The following ARF4 variants were observed in gnomAD, a reference collection of about 807,000 sequenced individuals.
ARF4 encodes the protein ARF GTPase 4.
Under a neutral mutation model 24.3 loss-of-function variants are expected in ARF4, and 5 were observed. The ratio of observed to expected loss-of-function variants is 0.21; its 90% confidence interval spans 0.11 to 0.43. The LOEUF (loss-of-function observed/expected upper bound fraction) is 0.43, where lower values mean the gene tolerates loss of function less well. ARF4 is among the 20% of genes least tolerant of loss of function. The pLI, the probability that ARF4 is intolerant of heterozygous loss-of-function variation, is 1.00. For synonymous variants in ARF4, 62 were observed against 73.5 expected, an observed-to-expected ratio of 0.84 and a Z score of 0.80; for missense variants, 107 against 213.0, an observed-to-expected ratio of 0.50 and a Z score of 3.10.
rs376750506 is a variant in ARF4, at chr3:57,576,504, CTT to C, written c.330+810_330+811del. ...GTGTGTGAAGTATGTCTCAACCAAGCTTTTTTTTTTTTTTTTTTTTTTGAAGA... is the reference window on the plus strand; with the variant it reads ...GTGTGTGAAGTATGTCTCAACCAAGCTTTTTTTTTTTTTTTTTTTTGAAGA... On this transcript the variant is annotated intron_variant, in intron 4 of 5. Transcript: ENST00000303436. 6.3e-3 allele frequency among the ~76,000 whole-genome samples: 636 copies of C among 101,540 alleles called. 1 individual carries two copies. Among genetic ancestry groups the C allele is most frequent in the Non-Finnish European group, 0.01 (508 of 50,716 alleles). The allele number at this position is 101,540 out of a possible 152,430, so 66.6% of individuals were successfully genotyped here. A position where few individuals can be genotyped will look rare whatever the true frequency, so the allele number is the denominator to read the frequency against.
chr3:57,571,806 CA>C lies in ARF4; in HGVS notation c.*405del, dbSNP rs2153408187. On this transcript the variant is annotated 3_prime_UTR_variant, in exon 6 of 6. Transcript: ENST00000303436. ...TTTTGGCAAGGGAGAGAAATAAATA[CA>C]AATGGAATGCTACATTTTTAAATTA... 5.9e-6 allele frequency: 1 copy of C among 168,400 alleles called. No individual in the cohort carries two copies. The highest frequency in any genetic ancestry group is 1.7e-4 in the East Asian group (1 of 5,792). The allele number at this position is 168,400 out of a possible 1,614,324, so 10.4% of individuals were successfully genotyped here.
chr3:57,590,630 T>C (rs1049536513), intron 1 of ARF4, among the ~76,000 whole-genome samples: 8 of 152,216 alleles, frequency 5.3e-5, no homozygotes, highest in African/African-American at 1.9e-4. Flanking sequence ...TCAAATTATC[T>C]ACAAGTTTGA....
In ARF4 at chr3:57,585,508, CTAATG is replaced by C. The variant is rs539796040; in HGVS notation, c.68-1049_68-1045del. 4.6e-5 allele frequency among the ~76,000 whole-genome samples: 7 copies of C among 152,112 alleles called. No individual in the cohort carries two copies. The South Asian group carries it at 1.5e-3, about 32-fold the overall frequency. ...TATAAAAATGGCCCTATCACATTAC[CTAATG>C]TAAACAACGAGTTAATGGGTGCAGC... On this transcript the variant is annotated intron_variant, in intron 1 of 5. Coordinates refer to ENST00000303436, the MANE Select transcript of ARF4 (RefSeq NM_001660.4).
Position 57,583,935 on chromosome 3 carries a change from A to G in ARF4, c.221T>C (p.Ile74Thr). ...GAAGTAATGCTTCCAGAGAGGCCTA[A>G]TTCTATCTTGACCACCAACATCCCA... ...TVWDVGGQDR[I>T]RPLWKHYFQN... Residue 74 changes from isoleucine (I) to threonine (T), a missense_variant, in exon 3 of 6, where the codon ATT (isoleucine) becomes ACT (threonine). By Grantham distance (89) the Ile-to-Thr change is moderately conservative. Transcript: ENST00000303436. The G allele has an allele frequency of 6.2e-7, 1 of 1,611,210 alleles. No homozygotes were observed. Among genetic ancestry groups the G allele is most frequent in the Non-Finnish European group, 8.5e-7 (1 of 1,177,860 alleles).
chr3:57,595,646 C>T (rs951907790), intron 1 of ARF4, among the ~76,000 whole-genome samples: 1 of 152,080 alleles, frequency 6.6e-6, no homozygotes, highest in African/African-American at 2.4e-5. Flanking sequence ...GATGGTAGTA[C>T]AGCTCTAAAA....
At chr3:57,575,792 G>A (rs757054626) in intron 4 of ARF4, 119 bp from the exon 5 acceptor site, 101 of 1,131,036 alleles carry the variant, frequency 8.9e-5, no homozygotes, top group Non-Finnish European at 1.1e-4. Flanking sequence ...CTAATTTCTC[G>A]ACACAAAGTT....
chr3:57,593,318 A>G (rs2070136845), intron 1 of ARF4, among the ~76,000 whole-genome samples: 1 of 152,250 alleles, frequency 6.6e-6, no homozygotes, highest in Non-Finnish European at 1.5e-5. Flanking sequence ...ATGTAACAGA[A>G]GGAACACATA....
chr3:57,596,986 CGGA>C (rs2153409716), intron 1 of ARF4, 85 bp downstream of exon 1: 3 of 1,400,896 alleles, frequency 2.1e-6, no homozygotes, highest in East Asian at 2.4e-5. Context: ...CCACAGCGGG[CGGA>C]GGAAAAAAAC....
Position 57,574,704 on chromosome 3 carries a change from G to C in ARF4, c.456+844C>G, listed in dbSNP as rs1003338089. 3.9e-5 allele frequency among the ~76,000 whole-genome samples: 6 copies of C among 152,186 alleles called. No individual in the cohort carries two copies. In the South Asian group the frequency reaches 1.2e-3, roughly 32 times the overall value. ...TTACGGGTGTGAGCCGTGGTACCTG[G>C]TCTCCTCCATAAACTGTTATGTTAA... On this transcript the variant is annotated intron_variant, in intron 5 of 5. Coordinates refer to ENST00000303436, the MANE Select transcript of ARF4 (RefSeq NM_001660.4).
chr3:57,582,568 G>C (rs1208557623), intron 3 of ARF4, among the ~76,000 whole-genome samples: 2 of 152,096 alleles, frequency 1.3e-5, no homozygotes, highest in Admixed American at 6.6e-5. Flanking sequence ...AAATAAAAAA[G>C]TATACCACTT....
chr3:57,591,568 G>A (rs899505318), intron 1 of ARF4, among the ~76,000 whole-genome samples: 4 of 151,714 alleles, frequency 2.6e-5, no homozygotes, highest in Non-Finnish European at 4.4e-5. Context: ...CCGGGTTCAA[G>A]GGATTCTCGT....
rs1368716617 is a variant in ARF4 at position 57,577,355 on chromosome 3, A to G, written c.291T>C (p.Arg97=). 6.2e-7 allele frequency: 1 copy of G among 1,613,628 alleles called. No homozygotes were observed. The highest frequency in any genetic ancestry group is 8.5e-7 in the Non-Finnish European group (1 of 1,179,902). The change falls in exon 4 of 6, where the codon CGT becomes CGC. Residue 97 remains arginine (R), a synonymous_variant. Transcript: ENST00000303436. ...CATCTGCTACTTCCTGAATTCTTTC[A>G]CGATCGTTGCTATCTACCACAAAAA... The part of the protein sequence containing the change: ...GLIFVVDSND[R]ERIQEVADEL...
chr3:57,576,975 A>G (rs1204456715), intron 4 of ARF4, among the ~76,000 whole-genome samples: 3 of 151,838 alleles, frequency 2.0e-5, no homozygotes, highest in East Asian at 1.9e-4. Flanking sequence ...TATAGATTTG[A>G]TATCTGTAAA....
chr3:57,597,225 T>A lies in ARF4; in HGVS notation c.-85A>T. On this transcript the variant is annotated 5_prime_UTR_variant, in exon 1 of 6. Transcript: ENST00000303436. ...TCTCCTTTCAAGCTCCCAGGCAAAC[T>A]AAACGAGAGGGAAGAGAAAGAGCGG... The A allele has an allele frequency of 7.6e-7, 1 of 1,311,626 alleles. No individual in the cohort carries two copies. The highest frequency in any genetic ancestry group is 1.1e-6 in the Non-Finnish European group (1 of 922,376). 81.2% of individuals were successfully genotyped at this position (1,311,626 alleles called of 1,614,324 possible). A position where few individuals can be genotyped will look rare whatever the true frequency, so the allele number is the denominator to read the frequency against.
In ARF4 at chr3:57,583,799, T is replaced by G. The variant is rs1000816920; in HGVS notation, c.258+99A>C. On this transcript the variant is annotated intron_variant, in intron 3 of 5. Coordinates refer to ENST00000303436, the MANE Select transcript of ARF4 (RefSeq NM_001660.4). ...TGGTGATAAGACAAATGCCAACTCA[T>G]AGTAAACACCAATATCCAAGTAAAT... The G allele has an allele frequency of 3.4e-5, 28 of 832,318 alleles. No homozygotes were observed. In the African/African-American group the frequency reaches 4.6e-4, roughly 14 times the overall value. The allele number at this position is 832,318 out of a possible 1,614,324, so 51.6% of individuals were successfully genotyped here. A position where few individuals can be genotyped will look rare whatever the true frequency, so the allele number is the denominator to read the frequency against.
In ARF4 at chr3:57,597,290, G is replaced by A; in HGVS notation, c.-150C>T. 1 of 703,900 alleles carries A rather than the reference G, an allele frequency of 1.4e-6. No homozygotes were observed. The highest frequency in any genetic ancestry group is 2.4e-6 in the Non-Finnish European group (1 of 419,736). 43.6% of individuals were successfully genotyped at this position (703,900 alleles called of 1,614,324 possible). A position where few individuals can be genotyped will look rare whatever the true frequency, so the allele number is the denominator to read the frequency against. The stretch of plus-strand genomic sequence containing the variant: ...AGGCAGAAACGTCTCAGTGGCCCCT[G>A]TGCCGATGAAGATCCGGCACAGGAA... On this transcript the variant is annotated 5_prime_UTR_variant, in exon 1 of 6. Coordinates refer to ENST00000303436, the MANE Select transcript of ARF4 (RefSeq NM_001660.4).
At chr3:57,581,175 A>G (rs991195795) in intron 3 of ARF4, among the ~76,000 whole-genome samples, 2 of 152,242 alleles carry the variant, frequency 1.3e-5, no homozygotes, top group African/African-American at 4.8e-5. Flanking sequence ...AGTATAAGTT[A>G]GAAACATGGT....
At chr3:57,584,149 G>GAC in intron 2 of ARF4, 142 bp from the exon 3 acceptor site, 2 of 710,792 alleles carry the variant, frequency 2.8e-6, no homozygotes, top group Non-Finnish European at 4.7e-6. Context: ...CATCAACAGA[G>GAC]ACAAGGCCTC....
intron 5 of ARF4, among the ~76,000 whole-genome samples, chr3:57,574,403 T>C (rs542433559): frequency 4.4e-4 from 55 of 124,292 alleles, no homozygotes; most frequent in African/African-American, 1.4e-3. Context: ...TTTAGAGAAG[T>C]ACAAATTTTT....
Sources: gnomAD v4.1 joint callset for allele counts (sites outside exome capture counted in the v4.1 genomes callset) on GRCh38, gnomAD v4.1.1 for gene constraint, MANE v1.5 for transcripts, NCBI Gene and HGNC (gene_info 2026-07-23, HGNC 2026-07-21) for gene names.